The following HHIP variants were observed in gnomAD, a reference collection of about 807,000 sequenced individuals.
The protein encoded by HHIP is hedgehog-interacting protein.
Under a neutral mutation model 74.0 loss-of-function variants are expected in HHIP, and 12 were observed. The observed-to-expected ratio is 0.16, with a 90% CI of 0.10 to 0.26. The LOEUF (loss-of-function observed/expected upper bound fraction) is 0.26. Among genes scored for constraint, HHIP ranks in the 10% least tolerant of loss-of-function variants. The pLI, the probability that HHIP is intolerant of heterozygous loss-of-function variation, is 1.00. For missense variants in HHIP, 788 were observed against 845.0 expected (o/e 0.93, Z 0.84); for synonymous variants, 309 against 311.6 (o/e 0.99, Z 0.09).
At position 144,659,082 on chromosome 4, in the gene HHIP, G is replaced by A. The variant is rs1429138410; in HGVS notation, c.629+136G>A. The A allele has an allele frequency of 9.5e-6, 6 of 633,228 alleles. No homozygotes were observed. The African/African-American group carries it at 1.1e-4, about 12-fold the overall frequency. 39.2% of individuals were successfully genotyped at this position (633,228 alleles called of 1,614,324 possible). On this transcript the variant is annotated intron_variant, in intron 3 of 12. Transcript: ENST00000296575. The stretch of plus-strand genomic sequence containing the variant: ...CAGATGCTTTAGTTTTTTCTCTGTG[G>A]TAGTTTGTTTCTCTAAAATTCTAGC...
At chr4:144,701,811 G>A (rs1423284741) in intron 4 of HHIP, among the ~76,000 whole-genome samples, 4 of 152,202 alleles carry the variant, frequency 2.6e-5, no homozygotes, top group Non-Finnish European at 5.9e-5. Flanking sequence ...TTACCAAAAG[G>A]TCACTAAGAA....
chr4:144,708,434 C>A, intron 7 of HHIP, 123 bp downstream of exon 7: 1 of 884,758 alleles, frequency 1.1e-6, no homozygotes, highest in South Asian at 1.6e-5. Context: ...AAGGCCATGC[C>A]TCTAAAGTCA....
At chr4:144,709,119 T>C (rs1295919398) in intron 7 of HHIP, among the ~76,000 whole-genome samples, 1 of 152,238 alleles carries the variant, frequency 6.6e-6, no homozygotes. Flanking sequence ...AGTAGGTTAT[T>C]ATTACCATTT....
intron 7 of HHIP, among the ~76,000 whole-genome samples, chr4:144,711,700 T>C (rs1467594345): frequency 6.6e-6 from 1 of 152,234 alleles, no homozygotes; most frequent in Non-Finnish European, 1.5e-5. Context: ...TTTAAGACAG[T>C]GTGCATATTT....
At chr4:144,692,564 C>A (rs1257212579) in intron 4 of HHIP, among the ~76,000 whole-genome samples, 1 of 152,166 alleles carries the variant, frequency 6.6e-6, no homozygotes, top group Admixed American at 6.6e-5. Flanking sequence ...GAGGTCTTTG[C>A]TAACGCCCTA....
At chr4:144,677,482 T>C (rs980104583) in intron 4 of HHIP, among the ~76,000 whole-genome samples, 1 of 152,140 alleles carries the variant, frequency 6.6e-6, no homozygotes, top group Admixed American at 6.5e-5. Flanking sequence ...CAGATGCCAC[T>C]GGATTGGGCC....
chr4:144,672,841 A>G (rs546371451), intron 4 of HHIP, among the ~76,000 whole-genome samples: 1 of 152,176 alleles, frequency 6.6e-6, no homozygotes, highest in South Asian at 2.1e-4. Context: ...AGCTGGGATT[A>G]CAGGCACCTG....
intron 4 of HHIP, among the ~76,000 whole-genome samples, chr4:144,674,131 G>A (rs1049324289): frequency 4.6e-5 from 7 of 152,174 alleles, no homozygotes; most frequent in African/African-American, 1.7e-4. Context: ...CATTGTGGGT[G>A]TTCCTTGAAA....
intron 11 of HHIP, among the ~76,000 whole-genome samples, chr4:144,728,143 A>T (rs1730850709): frequency 6.6e-6 from 1 of 152,214 alleles, no homozygotes; most frequent in Non-Finnish European, 1.5e-5. Flanking sequence ...TATTAGCAGT[A>T]GACAGTCAAA....
chr4:144,662,144 G>A (rs1201167734), intron 4 of HHIP, among the ~76,000 whole-genome samples: 1 of 152,142 alleles, frequency 6.6e-6, no homozygotes, highest in African/African-American at 2.4e-5. Flanking sequence ...AAAAAATCTG[G>A]AATTCCTTGT....
chr4:144,663,280 C>A (rs938448815), intron 4 of HHIP, among the ~76,000 whole-genome samples: 1 of 151,818 alleles, frequency 6.6e-6, no homozygotes, highest in African/African-American at 2.4e-5. Context: ...GGCAACAGAG[C>A]GAGACTCCAT....
At chr4:144,681,869 T>C (rs996200542) in intron 4 of HHIP, among the ~76,000 whole-genome samples, 1 of 152,214 alleles carries the variant, frequency 6.6e-6, no homozygotes, top group African/African-American at 2.4e-5. Flanking sequence ...AAGATAGCTG[T>C]GGGCCACGTG....
At chr4:144,728,828 G>A (rs74761918) in intron 11 of HHIP, among the ~76,000 whole-genome samples, 2,022 of 152,190 alleles carry the variant, frequency 0.013, 58 homozygotes, top group African/African-American at 0.045. Context: ...CTGGAATATG[G>A]TTGTATTATA....
intron 11 of HHIP, among the ~76,000 whole-genome samples, chr4:144,721,159 A>C (rs1226941012): frequency 6.6e-6 from 1 of 152,232 alleles, no homozygotes; most frequent in African/African-American, 2.4e-5. Context: ...TTCAAACATC[A>C]GTTGATTTGT....
Position 144,708,297 on chromosome 4 carries a change from C to T in HHIP, c.1287C>T (p.Leu429=), listed in dbSNP as rs201040823. The T allele has an allele frequency of 2.1e-5, 34 of 1,614,006 alleles. No individual in the cohort carries two copies. Among genetic ancestry groups the T allele is most frequent in the Non-Finnish European group, 2.9e-5 (34 of 1,180,026 alleles). Residue 429 remains leucine (L), a synonymous_variant, in exon 7 of 13, where the codon CTC becomes CTT. Coordinates refer to ENST00000296575, the MANE Select transcript of HHIP (RefSeq NM_022475.3). ...CCCCCGAAGTGTTTGCTCATGGGCT[C>T]CACGATCCAGGCAGGTGAGAACACA... ...NQPPEVFAHG[L]HDPGRCAVDR... is the part of the protein sequence containing the mutation.
In HHIP at chr4:144,734,490, G is replaced by A. The variant is rs143802725; in HGVS notation, c.1761-251G>A. Among the ~76,000 whole-genome samples the A allele has an allele frequency of 3.2e-3, 484 of 152,032 alleles. 2 individuals are homozygous for A. The highest frequency in any genetic ancestry group is 5.8e-3 in the Non-Finnish European group (396 of 67,982). On this transcript the variant is annotated intron_variant, in intron 11 of 12. Transcript: ENST00000296575. The stretch of plus-strand genomic sequence containing the variant: ...TTAATTAAAGATATTTTCATCAATG[G>A]GCTTTGATCAGGATAAAGTTTCTTA...
intron 8 of HHIP, 61 bp downstream of exon 8, chr4:144,712,132 TA>T: frequency 7.0e-7 from 1 of 1,432,262 alleles, no homozygotes; most frequent in South Asian, 1.2e-5. Context: ...GTATATTTAG[TA>T]ATTGAAGAGA....
chr4:144,650,239 A>G (rs1728381092), intron 1 of HHIP, among the ~76,000 whole-genome samples: 2 of 152,026 alleles, frequency 1.3e-5, no homozygotes, highest in Admixed American at 6.6e-5. Context: ...CCCTTCTTCT[A>G]TGGATTTTAT....
rs898697943 is a variant in HHIP, at chr4:144,741,211, T to C, written c.*3254T>C. 1 of 151,930 alleles carries C rather than the reference T, an allele frequency of 6.6e-6. No homozygotes were observed. The highest frequency in any genetic ancestry group is 2.1e-4 in the South Asian group (1 of 4,814). 9.4% of individuals were successfully genotyped at this position (151,930 alleles called of 1,614,324 possible). A position where few individuals can be genotyped will look rare whatever the true frequency, so the allele number is the denominator to read the frequency against. On this transcript the variant is annotated 3_prime_UTR_variant, in exon 13 of 13. Transcript: ENST00000296575. ...AGATTAATGAGTATCTCATAAAGAG[T>C]AGAGAAACCAACACATACAATATAT...
Sources: allele counts gnomAD v4.1 joint callset (sites outside exome capture counted in the v4.1 genomes callset), GRCh38; gene constraint gnomAD v4.1.1; transcripts MANE v1.5; gene names NCBI Gene and HGNC (gene_info 2026-07-23, HGNC 2026-07-21).